FSTL4: variants seen among roughly 807,000 people sequenced by gnomAD.
The protein encoded by FSTL4 is follistatin-related protein 4.
A neutral mutation model predicts 78.2 loss-of-function variants in FSTL4; 28 were observed. The observed-to-expected ratio is 0.36, with a 90% CI of 0.27 to 0.49. The LOEUF is 0.49. Among genes scored for constraint, FSTL4 ranks in the 20% least tolerant of loss-of-function variants. FSTL4 has a pLI of 0.98. For synonymous variants in FSTL4, 422 were observed against 440.5 expected, an observed-to-expected ratio of 0.96 and a Z score of 0.53; for missense variants, 922 against 1,084.9, an observed-to-expected ratio of 0.85 and a Z score of 2.11.
chr5:133,217,638 C>T (rs1354857599), intron 12 of FSTL4, among the ~76,000 whole-genome samples: 1 of 151,914 alleles, frequency 6.6e-6, no homozygotes, highest in Non-Finnish European at 1.5e-5. Context: ...CTTACGCTAT[C>T]TTCTCCCTCT....
intron 2 of FSTL4, among the ~76,000 whole-genome samples, chr5:133,582,863 T>C (rs1276249064): frequency 6.6e-6 from 1 of 152,174 alleles, no homozygotes; most frequent in Non-Finnish European, 1.5e-5. Flanking sequence ...TCCTGCCCTT[T>C]GAGATGCCCT....
chr5:133,258,286 C>T (rs1298839329), intron 6 of FSTL4, among the ~76,000 whole-genome samples: 1 of 152,134 alleles, frequency 6.6e-6, no homozygotes, highest in African/African-American at 2.4e-5. Flanking sequence ...GATATTTGTT[C>T]GAGCATTATC....
chr5:133,350,075 G>T (rs1001711622), intron 4 of FSTL4, among the ~76,000 whole-genome samples: 1 of 149,180 alleles, frequency 6.7e-6, no homozygotes, highest in South Asian at 2.2e-4. Context: ...GCTGCCATGC[G>T]ACTGTAAAGG....
intron 6 of FSTL4, among the ~76,000 whole-genome samples, chr5:133,300,882 G>GGT (rs1753521520): frequency 6.6e-6 from 1 of 151,950 alleles, no homozygotes; most frequent in Admixed American, 6.6e-5. Flanking sequence ...CTGAATAACA[G>GGT]CTCTGCTGCT....
intron 3 of FSTL4, among the ~76,000 whole-genome samples, chr5:133,405,093 G>C (rs1287551220): frequency 2.0e-5 from 3 of 152,160 alleles, no homozygotes. Flanking sequence ...CTCCTGACCA[G>C]GCCTTGGGAG....
chr5:133,822,294 T>G, the FSTL4 span, among the ~76,000 whole-genome samples: 1 of 152,284 alleles, frequency 6.6e-6, no homozygotes, highest in Non-Finnish European at 1.5e-5. Flanking sequence ...GATTAATTGT[T>G]AAGTTAGCCT....
intron 4 of FSTL4, among the ~76,000 whole-genome samples, chr5:133,367,903 G>A (rs115394720): frequency 2.3e-3 from 347 of 152,348 alleles, no homozygotes; most frequent in Non-Finnish European, 3.9e-3. Flanking sequence ...CATTTCATTT[G>A]GCTGGAACTT....
rs1245062452 is a variant in FSTL4, at chr5:133,236,705, C to T, written c.895-3168G>A. ...AGACCCTACTGCCTCGCACACTCCC[C>T]TTGCTGTTGCTCTAGTGTGCCAGGC... On this transcript the variant is annotated intron_variant, in intron 7 of 15. Transcript: ENST00000265342. This position sits in a 1 kb window ranked among gnomAD's most constrained non-coding sequence, Gnocchi z 5.0. Among the ~76,000 whole-genome samples, 8 of 152,220 alleles carry T rather than the reference C, an allele frequency of 5.3e-5. No homozygotes were observed. The highest frequency in any genetic ancestry group is 1.9e-4 in the African/African-American group (8 of 41,466).
At chr5:133,562,273 T>C (rs1759930319) in intron 3 of FSTL4, among the ~76,000 whole-genome samples, 1 of 152,194 alleles carries the variant, frequency 6.6e-6, no homozygotes, top group South Asian at 2.1e-4. Flanking sequence ...TATACCAAGA[T>C]AGATTAGGCA....
At chr5:133,252,101 C>G (rs1752264894) in intron 6 of FSTL4, 1 of 152,254 alleles carries the variant, frequency 6.6e-6, no homozygotes, top group South Asian at 2.1e-4. Flanking sequence ...AGACACAGAG[C>G]AGTTTTTAGA....
intron 2 of FSTL4, among the ~76,000 whole-genome samples, chr5:133,579,919 G>C (rs747482711): frequency 6.6e-6 from 1 of 152,164 alleles, no homozygotes; most frequent in Admixed American, 6.5e-5. Flanking sequence ...TGATTGATCA[G>C]GCTGGAGCCT....
chr5:133,515,284 T>C (rs1580758973), intron 3 of FSTL4, among the ~76,000 whole-genome samples: 1 of 152,008 alleles, frequency 6.6e-6, no homozygotes, highest in African/African-American at 2.4e-5. Context: ...GCCAGCACTT[T>C]GGGAGGCTGA....
chr5:133,777,810 A>G, the FSTL4 span, among the ~76,000 whole-genome samples: 1 of 152,258 alleles, frequency 6.6e-6, no homozygotes, highest in African/African-American at 2.4e-5. Flanking sequence ...TATTCAGGCC[A>G]TGAAGGTTGT....
the FSTL4 span, among the ~76,000 whole-genome samples, chr5:133,685,750 T>C: frequency 2.0e-5 from 3 of 152,246 alleles, no homozygotes; most frequent in African/African-American, 7.2e-5. Context: ...TGGCCAGTGC[T>C]GGCAGGAGGC....
chr5:133,263,951 T>TG (rs1194492538), intron 6 of FSTL4, among the ~76,000 whole-genome samples: 1 of 152,150 alleles, frequency 6.6e-6, no homozygotes, highest in Non-Finnish European at 1.5e-5. Flanking sequence ...AATGGGGATG[T>TG]GGGGAACTGA....
At chr5:133,287,113 A>G (rs1380429693) in intron 6 of FSTL4, among the ~76,000 whole-genome samples, 2 of 152,128 alleles carry the variant, frequency 1.3e-5, no homozygotes, top group Non-Finnish European at 2.9e-5. Context: ...GGTTGGCCGG[A>G]CGCGGTGGCT....
At chr5:133,545,703 C>T (rs1008626175) in intron 3 of FSTL4, among the ~76,000 whole-genome samples, 2 of 152,148 alleles carry the variant, frequency 1.3e-5, no homozygotes, top group African/African-American at 2.4e-5. Flanking sequence ...GACAATGGAA[C>T]AATTTTGTGA....
At chr5:133,790,143 T>C in the FSTL4 span, among the ~76,000 whole-genome samples, 42 of 152,128 alleles carry the variant, frequency 2.8e-4, no homozygotes, top group Non-Finnish European at 4.9e-4. Context: ...CTTTCTCTGC[T>C]CAAAAACTTC....
intron 7 of FSTL4, among the ~76,000 whole-genome samples, chr5:133,239,975 C>G (rs760927209): frequency 6.6e-6 from 1 of 152,202 alleles, no homozygotes; most frequent in Non-Finnish European, 1.5e-5. Flanking sequence ...AGCAGACCTC[C>G]GGAGTCAGAA....
Sources: allele counts gnomAD v4.1 joint callset (sites outside exome capture counted in the v4.1 genomes callset), GRCh38; gene constraint gnomAD v4.1.1; non-coding constraint Gnocchi (gnomAD v3.1); transcripts MANE v1.5; gene names NCBI Gene and HGNC (gene_info 2026-07-23, HGNC 2026-07-21).